The following TOGARAM1 variants were observed in gnomAD, a reference collection of about 807,000 sequenced individuals.
The protein encoded by TOGARAM1 is TOG array regulator of axonemal microtubules 1, also known as TOG array regulator of axonemal microtubules protein 1.
In TOGARAM1, 100 loss-of-function variants were observed where a neutral mutation model predicts 166.6. That is an observed-to-expected ratio of 0.60 (90% confidence interval 0.51 to 0.71). TOGARAM1 has a LOEUF of 0.71. Ranked by LOEUF, TOGARAM1 falls within the 30% of genes least tolerant of loss-of-function variation. TOGARAM1 has a pLI of 0.00. For synonymous variants in TOGARAM1, 758 were observed against 763.8 expected, an observed-to-expected ratio of 0.99 and a Z score of 0.13; for missense variants, 2,029 against 2,102.7, an observed-to-expected ratio of 0.96 and a Z score of 0.69.
chr14:45,012,041 A>T lies in TOGARAM1; in HGVS notation c.3204A>T (p.Lys1068Asn). The change falls in exon 7 of 20, where the codon AAA becomes AAT. Residue 1068 changes from lysine (K) to asparagine (N), a missense_variant. Around this residue, in one of 2 missense-constraint regions of TOGARAM1, gnomAD observed 1,453 missense variants for 1,432.2 expected, o/e 1.01. Coordinates refer to ENST00000361462, the MANE Select transcript of TOGARAM1 (RefSeq NM_001308120.2). ...CAAGACTTTCTTCTGCAAAGAAAAAAATTTCTCATATTGCTGAACAAAGCC... is the reference window on the plus strand; with the variant it reads ...CAAGACTTTCTTCTGCAAAGAAAAATATTTCTCATATTGCTGAACAAAGCC... The part of the protein sequence containing the change: ...CPTRLSSAKK[K>N]ISHIAEQSPS... The T allele has an allele frequency of 6.2e-7, 1 of 1,611,486 alleles. No homozygotes were observed. Among genetic ancestry groups the T allele is most frequent in the Non-Finnish European group, 8.5e-7 (1 of 1,179,058 alleles).
chr14:45,020,929 G>A (rs1594663183), intron 7 of TOGARAM1, among the ~76,000 whole-genome samples: 1 of 152,204 alleles, frequency 6.6e-6, no homozygotes, highest in South Asian at 2.1e-4. Flanking sequence ...AGTGCAGGGG[G>A]AGGCACATTC....
At chr14:45,066,102 C>G (rs1052107004) in intron 16 of TOGARAM1, among the ~76,000 whole-genome samples, 1 of 152,172 alleles carries the variant, frequency 6.6e-6, no homozygotes, top group African/African-American at 2.4e-5. Context: ...ATGTCCTAGG[C>G]AGACAGTCCC....
chr14:45,041,073 A>G (rs1227860499), intron 11 of TOGARAM1, among the ~76,000 whole-genome samples: 1 of 151,238 alleles, frequency 6.6e-6, no homozygotes, highest in Non-Finnish European at 1.5e-5. Context: ...TGTATAACCC[A>G]GTATCTATTC....
At chr14:45,028,122 A>G (rs1880961167) in intron 9 of TOGARAM1, 54 bp from the exon 10 acceptor site, 2 of 1,465,338 alleles carry the variant, frequency 1.4e-6, no homozygotes, top group East Asian at 2.3e-5. Flanking sequence ...AGATGAAGAT[A>G]TTTTAAATAT....
At chr14:45,073,174 C>A in intron 19 of TOGARAM1, 122 bp from the exon 20 acceptor site, 1 of 987,068 alleles carries the variant, frequency 1.0e-6, no homozygotes, top group Non-Finnish European at 1.4e-6. Flanking sequence ...TTTAAGAAGC[C>A]TAACTTTTTA....
chr14:44,996,099 TTAAG>T (rs1873300527), intron 2 of TOGARAM1, 197 bp downstream of exon 2: 1 of 389,772 alleles, frequency 2.6e-6, no homozygotes, highest in Non-Finnish European at 4.5e-6. Context: ...CTGAAATCGT[TTAAG>T]TATTAATATA....
At position 45,073,582 on chromosome 14, in the gene TOGARAM1, T is replaced by A. The variant is rs553790466; in HGVS notation, c.*21T>A. 3.1e-6 allele frequency: 5 copies of A among 1,598,740 alleles called. No homozygotes were observed. Among genetic ancestry groups the A allele is most frequent in the South Asian group, 1.1e-5 (1 of 89,558 alleles). On this transcript the variant is annotated 3_prime_UTR_variant, in exon 20 of 20. Transcript: ENST00000361462. ...TATGAATCTTCGATAAAATACTGTA[T>A]GATGAACAAAAGTGTTTACATGATG...
At chr14:44,989,421 T>C (rs753893018) in intron 1 of TOGARAM1, among the ~76,000 whole-genome samples, 37 of 152,334 alleles carry the variant, frequency 2.4e-4, no homozygotes, top group Middle Eastern at 6.8e-3. Context: ...ATAAATTTTG[T>C]TTCCTTTCTT....
intron 7 of TOGARAM1, among the ~76,000 whole-genome samples, chr14:45,017,924 T>A (rs983174794): frequency 6.6e-6 from 1 of 152,180 alleles, no homozygotes; most frequent in Non-Finnish European, 1.5e-5. Flanking sequence ...ATGGTTTTTT[T>A]AAACTTAGTA....
intron 16 of TOGARAM1, among the ~76,000 whole-genome samples, chr14:45,065,212 A>G (rs1211308731): frequency 6.6e-6 from 1 of 152,172 alleles, no homozygotes; most frequent in Non-Finnish European, 1.5e-5. Context: ...GAGACTCTGC[A>G]TCTAAAATAG....
intron 11 of TOGARAM1, among the ~76,000 whole-genome samples, chr14:45,033,063 A>G (rs1247698825): frequency 1.3e-5 from 2 of 152,154 alleles, no homozygotes; most frequent in African/African-American, 4.8e-5. Flanking sequence ...TAGCCTGGCC[A>G]ACATAGTGAA....
chr14:45,010,508 A>C (rs779451236), intron 6 of TOGARAM1, among the ~76,000 whole-genome samples: 7 of 152,192 alleles, frequency 4.6e-5, no homozygotes, highest in African/African-American at 9.7e-5. Context: ...TACAGTTGCA[A>C]GGTTGTGTAA....
At chr14:44,969,145 C>CCTTT (rs1555341650) in intron 1 of TOGARAM1, among the ~76,000 whole-genome samples, 20 of 116,318 alleles carry the variant, frequency 1.7e-4, no homozygotes, top group East Asian at 7.2e-4. Flanking sequence ...TTCCTTCCTT[C>CCTTT]CTTTCTTTCT....
chr14:44,967,545 A>G (rs1594601553), intron 1 of TOGARAM1, among the ~76,000 whole-genome samples: 1 of 152,228 alleles, frequency 6.6e-6, no homozygotes, highest in Admixed American at 6.5e-5. Flanking sequence ...TGAAAGATGA[A>G]TAGGAGCTTG....
In TOGARAM1 at chr14:44,985,869, A is replaced by G. The variant is rs370512122; in HGVS notation, c.2047-9877A>G. ...AGTGATTTGCATTTTTATCTTAATTAGAAATTGTTCAGGATCTAAAGAGTT... is the reference window on the plus strand; with the variant it reads ...AGTGATTTGCATTTTTATCTTAATTGGAAATTGTTCAGGATCTAAAGAGTT... On this transcript the variant is annotated intron_variant, in intron 1 of 19. Transcript: ENST00000361462. Among the ~76,000 whole-genome samples the G allele has an allele frequency of 2.5e-3, 383 of 152,368 alleles. 4 individuals carry two copies. The highest frequency in any genetic ancestry group is 8.7e-3 in the African/African-American group (363 of 41,582).
At chr14:45,042,604 A>G (rs1023600868) in intron 11 of TOGARAM1, among the ~76,000 whole-genome samples, 1 of 152,190 alleles carries the variant, frequency 6.6e-6, no homozygotes, top group African/African-American at 2.4e-5. Context: ...ACAATTATAG[A>G]TTGTGTAAGT....
At chr14:44,969,109 C>G (rs1221283524) in intron 1 of TOGARAM1, among the ~76,000 whole-genome samples, 3 of 137,468 alleles carry the variant, frequency 2.2e-5, no homozygotes, top group Non-Finnish European at 4.6e-5. Flanking sequence ...TTCTTTCTTT[C>G]TTTCCTTCCT....
Position 45,027,351 on chromosome 14 carries a change from A to C in TOGARAM1, c.3381A>C (p.Ile1127=). 1.9e-6 allele frequency: 3 copies of C among 1,613,720 alleles called. No homozygotes were observed. The highest frequency in any genetic ancestry group is 2.5e-6 in the Non-Finnish European group (3 of 1,179,912). ...SAPATCSQSV[I]SSVENGDTFS... is the part of the protein sequence containing the mutation. ...CAGCAACCTGCAGCCAATCAGTGAT[A>C]TCTTCTGTGGAAAATGGGGATACAT... The change falls in exon 9 of 20, where the codon ATA becomes ATC. Residue 1127 remains isoleucine, a synonymous_variant. Coordinates refer to ENST00000361462, the MANE Select transcript of TOGARAM1 (RefSeq NM_001308120.2).
chr14:44,986,139 TTAGGTTTTTCTGAGA>T (rs1401526108), intron 1 of TOGARAM1, among the ~76,000 whole-genome samples: 1 of 152,214 alleles, frequency 6.6e-6, no homozygotes, highest in Non-Finnish European at 1.5e-5. Context: ...TTTAAGTTAA[TTAGGTTTTTCTGAGA>T]AAAACCTATG....
Sources: gnomAD v4.1 joint callset for allele counts (sites outside exome capture counted in the v4.1 genomes callset) on GRCh38, gnomAD v4.1.1 for gene constraint, gnomAD v4.1.1 regional missense constraint, MANE v1.5 for transcripts, NCBI Gene and HGNC (gene_info 2026-07-23, HGNC 2026-07-21) for gene names.